Variants in FAM171A1 observed in about 807,000 individuals in gnomAD.
FAM171A1 encodes family with sequence similarity 171 member A1.
FAM171A1 carries 23 observed loss-of-function variants against 74.9 expected under a neutral mutation model. That is an observed-to-expected ratio of 0.31 (90% confidence interval 0.22 to 0.44). The LOEUF is 0.44. Among genes scored for constraint, FAM171A1 ranks in the 20% least tolerant of loss-of-function variants. The probability of loss-of-function intolerance (pLI) is 1.00; values close to 1 mark genes in which losing one functional copy is unlikely to be tolerated. For missense variants in FAM171A1, 1,162 were observed against 1,159.2 expected (o/e 1.00, Z -0.03); for synonymous variants, 527 against 505.7 (o/e 1.04, Z -0.57).
At chr10:15,250,801 A>G (rs1386796743) in intron 4 of FAM171A1, among the ~76,000 whole-genome samples, 2 of 152,146 alleles carry the variant, frequency 1.3e-5, no homozygotes, top group Non-Finnish European at 2.9e-5. Flanking sequence ...CAGAGACATT[A>G]AATAATTTAC....
At chr10:15,253,249 C>A (rs887192225) in intron 4 of FAM171A1, among the ~76,000 whole-genome samples, 16 of 152,160 alleles carry the variant, frequency 1.1e-4, no homozygotes, top group African/African-American at 3.1e-4. Flanking sequence ...AATGATCCAC[C>A]CACCTCGGCC....
At chr10:15,262,826 T>A (rs1459285695) in intron 3 of FAM171A1, among the ~76,000 whole-genome samples, 1 of 152,028 alleles carries the variant, frequency 6.6e-6, no homozygotes. Flanking sequence ...CCAATGAGAA[T>A]GTGAAGGGGT....
chr10:15,238,624 T>A (rs1331505010), intron 5 of FAM171A1, among the ~76,000 whole-genome samples: 2 of 150,360 alleles, frequency 1.3e-5, no homozygotes, highest in Non-Finnish European at 3.0e-5. Flanking sequence ...GTCACTTAGG[T>A]AAAAGGACTA....
intron 2 of FAM171A1, among the ~76,000 whole-genome samples, chr10:15,279,566 C>T (rs940783307): frequency 1.3e-5 from 2 of 151,980 alleles, no homozygotes; most frequent in Non-Finnish European, 2.9e-5. Flanking sequence ...TCATTCTACC[C>T]AGGAAAGGCA....
At chr10:15,298,104 C>G (rs1269969757) in intron 1 of FAM171A1, among the ~76,000 whole-genome samples, 1 of 152,068 alleles carries the variant, frequency 6.6e-6, no homozygotes, top group Non-Finnish European at 1.5e-5. Flanking sequence ...CATTTGACAG[C>G]AAAACTCCCA....
rs757958694 is a variant in FAM171A1 at position 15,220,965 on chromosome 10, C to T, written c.850G>A (p.Ala284Thr). The T allele has an allele frequency of 2.4e-5, 39 of 1,613,338 alleles. No individual in the cohort carries two copies. Among genetic ancestry groups the T allele is most frequent in the Admixed American group, 5.0e-5 (3 of 59,948 alleles). ...IAPQLGYWVA[A>T]MSPPIPGPVV... ...TTACCTGGGATGGGAGGGGACATGG[C>T]GGCCACCCAGTACCCCAACTGGGGG... Residue 284 changes from alanine to threonine, a missense_variant, in exon 6 of 8, where the codon GCC (alanine) becomes ACC (threonine). Coordinates refer to ENST00000378116, the MANE Select transcript of FAM171A1 (RefSeq NM_001010924.2).
rs369863849 is a variant in FAM171A1 at position 15,214,634 on chromosome 10, T to G, written c.987-33A>C. On this transcript the variant is annotated intron_variant, in intron 7 of 7. Transcript: ENST00000378116. Reference sequence around the variant, plus strand: ...CAAAGACACAATCCAAAGCCAAAGATTAGTGATTCTCACAATGAAAAAGTT... The same window carrying G: ...CAAAGACACAATCCAAAGCCAAAGAGTAGTGATTCTCACAATGAAAAAGTT... 1.0e-4 allele frequency: 155 copies of G among 1,515,264 alleles called. No homozygotes were observed. In the African/African-American group the frequency reaches 2.0e-3, roughly 19 times the overall value. 93.9% of individuals were successfully genotyped at this position (1,515,264 alleles called of 1,614,324 possible).
At chr10:15,280,645 G>A (rs573625233) in intron 2 of FAM171A1, among the ~76,000 whole-genome samples, 4 of 152,164 alleles carry the variant, frequency 2.6e-5, no homozygotes, top group Admixed American at 6.5e-5. Flanking sequence ...AAGGAAATCC[G>A]TTTCTGGGTT....
chr10:15,220,922 G>GC, intron 6 of FAM171A1, 22 bp downstream of exon 6: 1 of 1,573,238 alleles, frequency 6.4e-7, no homozygotes, highest in Non-Finnish European at 8.7e-7. Flanking sequence ...CCGCATCATC[G>GC]CAAGTGTTGG....
chr10:15,369,213 A>AATATAT (rs71505070), intron 1 of FAM171A1, among the ~76,000 whole-genome samples: 6 of 145,780 alleles, frequency 4.1e-5, no homozygotes, highest in African/African-American at 1.0e-4. Flanking sequence ...ATATATATTG[A>AATATAT]ATATATATAT....
chr10:15,254,952 T>C, intron 3 of FAM171A1, 73 bp from the exon 4 acceptor site: 1 of 1,482,816 alleles, frequency 6.7e-7, no homozygotes, highest in Non-Finnish European at 9.3e-7. Flanking sequence ...AACCAGGAAG[T>C]GCCTCTCTAA....
chr10:15,309,730 T>TAG (rs1835338216), intron 1 of FAM171A1, among the ~76,000 whole-genome samples: 2 of 152,252 alleles, frequency 1.3e-5, no homozygotes, highest in Non-Finnish European at 2.9e-5. Context: ...ACCTAACTTC[T>TAG]AAAGACTTTC....
intron 1 of FAM171A1, among the ~76,000 whole-genome samples, chr10:15,339,145 C>T (rs750141087): frequency 6.6e-6 from 1 of 152,156 alleles, no homozygotes; most frequent in African/African-American, 2.4e-5. Context: ...TTTTAATAAA[C>T]TTTCAAATAT....
intron 1 of FAM171A1, among the ~76,000 whole-genome samples, chr10:15,290,780 T>G (rs546925527): frequency 4.9e-4 from 74 of 152,144 alleles, no homozygotes; most frequent in African/African-American, 1.7e-3. Flanking sequence ...GGCAAAGGGG[T>G]GTCCTGAGAT....
intron 1 of FAM171A1, among the ~76,000 whole-genome samples, chr10:15,305,316 A>G (rs1387556160): frequency 6.6e-6 from 1 of 152,176 alleles, no homozygotes; most frequent in East Asian, 1.9e-4. Flanking sequence ...AAGCACAATA[A>G]AAGACTCAGT....
At chr10:15,370,155 C>G (rs963042901) in intron 1 of FAM171A1, among the ~76,000 whole-genome samples, 3 of 152,054 alleles carry the variant, frequency 2.0e-5, no homozygotes, top group Non-Finnish European at 4.4e-5. Flanking sequence ...CCACGTTACT[C>G]CCAGGGCTGG....
chr10:15,248,235 T>C (rs1380956127), intron 5 of FAM171A1, among the ~76,000 whole-genome samples: 1 of 152,170 alleles, frequency 6.6e-6, no homozygotes, highest in African/African-American at 2.4e-5. Context: ...TTTATTTTCT[T>C]TGTTTTGTAC....
chr10:15,319,003 C>T (rs1425167984), intron 1 of FAM171A1, among the ~76,000 whole-genome samples: 1 of 152,198 alleles, frequency 6.6e-6, no homozygotes. Flanking sequence ...CACAAAGTCA[C>T]CAGTGTGACA....
rs748256997 is a variant in FAM171A1 at position 15,275,965 on chromosome 10, G to A, written c.326-18C>T. 16 of 1,563,478 alleles carry A rather than the reference G, an allele frequency of 1.0e-5. No homozygotes were observed. The highest frequency in any genetic ancestry group is 1.4e-5 in the Non-Finnish European group (16 of 1,142,374). On this transcript the variant is annotated intron_variant, in intron 2 of 7. Coordinates refer to ENST00000378116, the MANE Select transcript of FAM171A1 (RefSeq NM_001010924.2). ...GGAAAATACTGCAGGAAAAAGAAAT[G>A]GATAGAAGGGGATTTTAATAGTCAT...
Sources: gnomAD v4.1 joint callset for allele counts (sites outside exome capture counted in the v4.1 genomes callset) on GRCh38, gnomAD v4.1.1 for gene constraint, MANE v1.5 for transcripts, NCBI Gene and HGNC (gene_info 2026-07-23, HGNC 2026-07-21) for gene names.